Variants in MGAT4C observed in about 807,000 individuals in gnomAD.
The protein encoded by MGAT4C is alpha-1,3-mannosyl-glycoprotein 4-beta-N-acetylglucosaminyltransferase C.
In MGAT4C, 19 loss-of-function variants were observed where a neutral mutation model predicts 40.1. The observed-to-expected ratio is 0.47, with a 90% confidence interval of 0.33 to 0.70. The LOEUF is 0.70. Among genes scored for constraint, MGAT4C ranks in the 30% least tolerant of loss-of-function variants. The pLI, the probability that MGAT4C is intolerant of heterozygous loss-of-function variation, is 0.02. For missense variants in MGAT4C, 491 were observed against 563.2 expected, an observed-to-expected ratio of 0.87 and a Z score of 1.30; for synonymous variants, 181 against 187.1, an observed-to-expected ratio of 0.97 and a Z score of 0.27.
At chr12:86,768,192 C>A (rs906113059) in intron 1 of MGAT4C, among the ~76,000 whole-genome samples, 1 of 152,064 alleles carries the variant, frequency 6.6e-6, no homozygotes, top group Non-Finnish European at 1.5e-5. Flanking sequence ...AATCAATGTA[C>A]AAAAATCACA....
At chr12:86,283,507 T>C (rs1166118366) in intron 4 of MGAT4C, among the ~76,000 whole-genome samples, 3 of 152,042 alleles carry the variant, frequency 2.0e-5, no homozygotes. Flanking sequence ...AAGAAAAAAA[T>C]TTAAACAATC....
intron 1 of MGAT4C, among the ~76,000 whole-genome samples, chr12:86,087,765 C>T (rs1872143076): frequency 6.6e-6 from 1 of 151,924 alleles, no homozygotes; most frequent in Admixed American, 6.6e-5. Flanking sequence ...AATGGGAAAA[C>T]ATTCCATGCT....
chr12:86,442,881 G>A (rs1957258029), intron 2 of MGAT4C, among the ~76,000 whole-genome samples: 1 of 151,942 alleles, frequency 6.6e-6, no homozygotes. Context: ...TGATCAGTCA[G>A]CAGCCATCAA....
At chr12:86,706,203 G>A (rs1950453905) in intron 2 of MGAT4C, among the ~76,000 whole-genome samples, 1 of 152,100 alleles carries the variant, frequency 6.6e-6, no homozygotes, top group Non-Finnish European at 1.5e-5. Context: ...AATGTAAGGA[G>A]AAACCTACAT....
chr12:86,042,370 A>G (rs2136942054), intron 2 of MGAT4C, among the ~76,000 whole-genome samples: 1 of 152,224 alleles, frequency 6.6e-6, no homozygotes, highest in East Asian at 1.9e-4. Flanking sequence ...GCTCGTTTTT[A>G]TACAAACTTG....
chr12:86,544,247 T>C (rs981679090), intron 2 of MGAT4C, among the ~76,000 whole-genome samples: 1 of 152,184 alleles, frequency 6.6e-6, no homozygotes, highest in African/African-American at 2.4e-5. Flanking sequence ...CCTGCATACA[T>C]ATTTGAGAAG....
At chr12:86,679,274 T>G (rs10858460) in intron 2 of MGAT4C, among the ~76,000 whole-genome samples, 126,845 of 151,962 alleles carry the variant, frequency 0.83, 54,330 homozygotes, top group Middle Eastern at 0.94. Flanking sequence ...TTTTGATGGG[T>G]TTGTTTTTTT....
intron 2 of MGAT4C, among the ~76,000 whole-genome samples, chr12:86,539,545 G>A (rs1278289636): frequency 6.6e-5 from 10 of 152,176 alleles, no homozygotes; most frequent in Admixed American, 5.2e-4. Flanking sequence ...ACCCAGTAAT[G>A]GGATGGCTGG....
chr12:86,760,914 T>C (rs530128669), intron 1 of MGAT4C, among the ~76,000 whole-genome samples: 1 of 152,294 alleles, frequency 6.6e-6, no homozygotes, highest in African/African-American at 2.4e-5. Context: ...ACTGATAACA[T>C]ATCAGTGATC....
chr12:86,659,315 A>G (rs1963924749), intron 2 of MGAT4C, among the ~76,000 whole-genome samples: 1 of 152,092 alleles, frequency 6.6e-6, no homozygotes, highest in Non-Finnish European at 1.5e-5. Flanking sequence ...TGCAGGAAGA[A>G]CATCTCAAAC....
At chr12:86,117,800 T>C (rs901881831) in intron 1 of MGAT4C, among the ~76,000 whole-genome samples, 5 of 152,132 alleles carry the variant, frequency 3.3e-5, no homozygotes, top group African/African-American at 1.2e-4. Context: ...GTAGTACTAA[T>C]TCATCCAACA....
intron 2 of MGAT4C, among the ~76,000 whole-genome samples, chr12:85,998,559 T>A (rs946863678): frequency 6.6e-5 from 10 of 152,266 alleles, no homozygotes; most frequent in Middle Eastern, 3.4e-3. Flanking sequence ...TGCTTAGAAA[T>A]TTCTTCCACT....
intron 1 of MGAT4C, among the ~76,000 whole-genome samples, chr12:86,064,858 T>TA (rs1004298335): frequency 2.0e-4 from 30 of 151,666 alleles, no homozygotes; most frequent in African/African-American, 6.8e-4. Context: ...ATAGATGCAA[T>TA]AAAAAAATGA....
In MGAT4C at chr12:85,979,293, G is replaced by A; in HGVS notation, c.1433C>T (p.Ser478Phe). 1.3e-6 allele frequency: 2 copies of A among 1,583,736 alleles called. No homozygotes were observed. The highest frequency in any genetic ancestry group is 4.5e-5 in the East Asian group (2 of 44,302). Reference protein sequence around the residue: ...LIIRSISIWTS With the variant: ...LIIRSISIWTF The stretch of plus-strand genomic sequence containing the variant: ...TGAACATACTGATTTAATTGGCTAA[G>A]AAGTCCAAATGCTAATACTCCTAAT... The change falls in exon 5 of 5, where the codon TCT becomes TTT. Residue 478 changes from serine (S) to phenylalanine (F), a missense_variant. Coordinates refer to ENST00000611864, the MANE Select transcript of MGAT4C (RefSeq NM_001351288.2).
chr12:86,176,404 C>T (rs1030393305), intron 1 of MGAT4C, among the ~76,000 whole-genome samples: 27 of 152,254 alleles, frequency 1.8e-4, no homozygotes, highest in African/African-American at 5.5e-4. Flanking sequence ...GTGTAACTTT[C>T]GCATATGTAA....
intron 1 of MGAT4C, among the ~76,000 whole-genome samples, chr12:86,241,253 A>G (rs1951771417): frequency 6.6e-6 from 1 of 152,146 alleles, no homozygotes; most frequent in Non-Finnish European, 1.5e-5. Flanking sequence ...AAGTCACTTT[A>G]TGACTATACA....
intron 4 of MGAT4C, among the ~76,000 whole-genome samples, chr12:86,292,415 A>T (rs952116563): frequency 4.8e-5 from 7 of 144,794 alleles, no homozygotes; most frequent in Non-Finnish European, 9.0e-5. Flanking sequence ...TCTATTATTT[A>T]AAGAATAAGA....
At chr12:86,386,649 G>A (rs1007115881) in intron 3 of MGAT4C, among the ~76,000 whole-genome samples, 2 of 152,052 alleles carry the variant, frequency 1.3e-5, no homozygotes, top group Non-Finnish European at 1.5e-5. Flanking sequence ...CATTGTGATC[G>A]AAAGTAAAAT....
At chr12:86,283,514 A>G (rs1396131775) in intron 4 of MGAT4C, among the ~76,000 whole-genome samples, 1 of 152,082 alleles carries the variant, frequency 6.6e-6, no homozygotes, top group African/African-American at 2.4e-5. Flanking sequence ...AAATTTAAAC[A>G]ATCTCCACAA....
Sources: allele counts gnomAD v4.1 joint callset (sites outside exome capture counted in the v4.1 genomes callset), GRCh38; gene constraint gnomAD v4.1.1; transcripts MANE v1.5; gene names NCBI Gene and HGNC (gene_info 2026-07-23, HGNC 2026-07-21).